The following SYTL4 variants were observed in gnomAD, a reference collection of about 807,000 sequenced individuals.
SYTL4 encodes the protein synaptotagmin-like protein 4.
SYTL4 carries 16 observed loss-of-function variants against 52.7 expected under a neutral mutation model. The observed-to-expected ratio is 0.30, with a 90% CI of 0.21 to 0.46. The LOEUF (loss-of-function observed/expected upper bound fraction) is 0.46. Ranked by LOEUF, SYTL4 falls within the 20% of genes least tolerant of loss-of-function variation. SYTL4 has a pLI of 1.00. For missense variants in SYTL4, 423 were observed against 519.9 expected (o/e 0.81, Z 1.81); for synonymous variants, 160 against 186.6 (o/e 0.86, Z 1.16).
At chrX:100,700,313 T>C (rs761583403) in intron 8 of SYTL4, among the ~76,000 whole-genome samples, 1 of 112,186 alleles carries the variant, frequency 8.9e-6, no homozygotes, top group Admixed American at 9.4e-5. Flanking sequence ...TATTTTTTCT[T>C]AAGCTTAGAG....
intron 2 of SYTL4, among the ~76,000 whole-genome samples, chrX:100,727,323 G>GA (rs1369215271): frequency 8.9e-6 from 1 of 112,376 alleles, no homozygotes; most frequent in African/African-American, 3.2e-5. Flanking sequence ...GCAAGTCTTG[G>GA]AAAAATACAA....
intron 2 of SYTL4, among the ~76,000 whole-genome samples, 175 bp from the exon 3 acceptor site, chrX:100,705,061 A>T (rs1339887887): frequency 9.0e-6 from 1 of 111,497 alleles, no homozygotes; most frequent in Non-Finnish European, 1.9e-5. Context: ...CTTATCCCCA[A>T]GGAGAATATA....
Position 100,728,853 on chromosome X carries a change from C to T in SYTL4, c.-240+2565G>A, listed in dbSNP as rs191030645. Among the ~76,000 whole-genome samples the T allele has an allele frequency of 3.9e-3, 432 of 110,611 alleles. 2 individuals carry two copies. The highest frequency in any genetic ancestry group is 9.3e-3 in the Middle Eastern group (2 of 215). ...AAGATCGAGACCATCCTGGCTAACA[C>T]GGTGAAATCCCGTCTCTACTAAAAA... On this transcript the variant is annotated intron_variant, in intron 2 of 19. Coordinates refer to ENST00000372989, the MANE Select transcript of SYTL4 (RefSeq NM_001370165.1).
At chrX:100,726,996 T>A (rs1046300973) in intron 2 of SYTL4, among the ~76,000 whole-genome samples, 1 of 111,115 alleles carries the variant, frequency 9.0e-6, no homozygotes. Context: ...ATCTACCATA[T>A]TTTTTATCAG....
intron 2 of SYTL4, among the ~76,000 whole-genome samples, chrX:100,726,047 A>G (rs2084509717): frequency 9.2e-6 from 1 of 109,082 alleles, no homozygotes; most frequent in African/African-American, 3.3e-5. Flanking sequence ...CATTTCAACT[A>G]TTCTTCTGCC....
intron 8 of SYTL4, among the ~76,000 whole-genome samples, chrX:100,699,482 CTTTTTTTTTT>C (rs1181762978): frequency 1.7e-5 from 1 of 59,892 alleles, no homozygotes; most frequent in Non-Finnish European, 2.7e-5. Context: ...CAGCATTACT[CTTTTTTTTTT>C]TTTTTTTTTT....
At chrX:100,680,582 C>G (rs5967166) in intron 17 of SYTL4, among the ~76,000 whole-genome samples, 8,675 of 110,642 alleles carry the variant, frequency 0.078, 806 homozygotes, top group African/African-American at 0.27. Context: ...ACATACAACC[C>G]CACATTACCA....
chrX:100,686,671 A>T lies in SYTL4; in HGVS notation c.1287+8T>A, dbSNP rs2083479100. On this transcript the variant is annotated splice_region_variant and intron_variant, in intron 15 of 19. Transcript: ENST00000372989. ...AAGTTCTCCTACCCTTGAGGTCTAG[A>T]TACTTACCCTCAGCGTCTCATCATA... 1.7e-6 allele frequency: 2 copies of T among 1,172,752 alleles called. No individual in the cohort carries two copies. Among genetic ancestry groups the T allele is most frequent in the South Asian group, 3.6e-5 (2 of 55,515 alleles).
intron 19 of SYTL4, among the ~76,000 whole-genome samples, chrX:100,676,787 CT>C (rs1036019483): frequency 2.7e-5 from 3 of 111,535 alleles, no homozygotes; most frequent in African/African-American, 9.8e-5. Context: ...GCCCGGCCAA[CT>C]TTTTTCTTTT....
intron 2 of SYTL4, among the ~76,000 whole-genome samples, chrX:100,729,384 G>A (rs890438434): frequency 9.0e-6 from 1 of 111,273 alleles, no homozygotes; most frequent in Admixed American, 9.6e-5. Context: ...TGAGGGAGTG[G>A]GAGGGCAGAC....
At chrX:100,698,479 TTCTC>T (rs1338225900) in intron 8 of SYTL4, among the ~76,000 whole-genome samples, 2 of 110,835 alleles carry the variant, frequency 1.8e-5, no homozygotes, top group African/African-American at 6.5e-5. Context: ...CTCTTTCTCT[TTCTC>T]TCTCTCTCTC....
chrX:100,715,590 T>A (rs1464714674), intron 2 of SYTL4, among the ~76,000 whole-genome samples: 3 of 111,537 alleles, frequency 2.7e-5, no homozygotes, highest in Non-Finnish European at 3.8e-5. Flanking sequence ...ATGCAAGTAG[T>A]ACAGCATAAT....
intron 8 of SYTL4, among the ~76,000 whole-genome samples, chrX:100,697,770 AG>A (rs1206221963): frequency 4.4e-4 from 49 of 111,614 alleles, no homozygotes; most frequent in Non-Finnish European, 7.5e-4. Context: ...TAAGGAAGGG[AG>A]GGGAAAAGGG....
At chrX:100,723,523 G>A (rs994303178) in intron 2 of SYTL4, among the ~76,000 whole-genome samples, 17 of 112,217 alleles carry the variant, frequency 1.5e-4, no homozygotes, top group Middle Eastern at 4.6e-3. Context: ...CGAGATTGCA[G>A]CCTCTGCCCG....
intron 2 of SYTL4, among the ~76,000 whole-genome samples, chrX:100,716,734 G>C (rs1602904970): frequency 9.1e-6 from 1 of 109,861 alleles, no homozygotes; most frequent in South Asian, 4.0e-4. Context: ...AATTGCTTTG[G>C]GATATTGTGT....
intron 2 of SYTL4, among the ~76,000 whole-genome samples, chrX:100,729,642 G>A (rs191456056): frequency 4.5e-5 from 5 of 111,350 alleles, no homozygotes; most frequent in Non-Finnish European, 9.4e-5. Context: ...AGGGAGCTCC[G>A]AGATCCAGAC....
chrX:100,692,642 C>A (rs2083621418), intron 8 of SYTL4, among the ~76,000 whole-genome samples: 1 of 111,256 alleles, frequency 9.0e-6, no homozygotes, highest in African/African-American at 3.3e-5. Context: ...TTAGTGAGAG[C>A]AGCAGGAAAA....
intron 2 of SYTL4, among the ~76,000 whole-genome samples, chrX:100,730,029 G>A (rs1313027295): frequency 8.1e-5 from 9 of 111,005 alleles, no homozygotes; most frequent in Admixed American, 1.9e-4. Flanking sequence ...TCTCTGGTAT[G>A]GCTGTCAGGA....
chrX:100,694,410 C>T (rs1261962397), intron 8 of SYTL4, among the ~76,000 whole-genome samples: 1 of 111,298 alleles, frequency 9.0e-6, no homozygotes, highest in Non-Finnish European at 1.9e-5. Context: ...GTCTTTATAC[C>T]TCCTTCTTTC....
Sources: allele counts gnomAD v4.1 joint callset (sites outside exome capture counted in the v4.1 genomes callset), GRCh38; gene constraint gnomAD v4.1.1; transcripts MANE v1.5; gene names NCBI Gene and HGNC (gene_info 2026-07-23, HGNC 2026-07-21).